The following SPATS2L variants were observed in gnomAD, a reference collection of about 807,000 sequenced individuals.
The protein encoded by SPATS2L is SPATS2-like protein.
A neutral mutation model predicts 59.6 loss-of-function variants in SPATS2L; 30 were observed. That is an observed-to-expected ratio of 0.50 (90% confidence interval 0.38 to 0.68). The LOEUF (loss-of-function observed/expected upper bound fraction) is 0.68, where lower values mean the gene tolerates loss of function less well. Ranked by LOEUF, SPATS2L falls within the 30% of genes least tolerant of loss-of-function variation. SPATS2L has a pLI of 0.00. For synonymous variants in SPATS2L, 252 were observed against 263.5 expected (o/e 0.96, Z 0.42); for missense variants, 615 against 700.0 (o/e 0.88, Z 1.37).
At chr2:200,325,568 G>A (rs1177485022) in intron 1 of SPATS2L, among the ~76,000 whole-genome samples, 1 of 152,008 alleles carries the variant, frequency 6.6e-6, no homozygotes, top group Admixed American at 6.6e-5. Flanking sequence ...TAGTAGAGAT[G>A]GGGTTTCATC....
intron 4 of SPATS2L, among the ~76,000 whole-genome samples, chr2:200,413,516 CAT>C (rs1450874437): frequency 6.6e-6 from 1 of 152,164 alleles, no homozygotes; most frequent in Non-Finnish European, 1.5e-5. Flanking sequence ...CCTCAGTTAT[CAT>C]ATGTCTTCTG....
At chr2:200,328,595 G>T (rs547125877) in intron 1 of SPATS2L, among the ~76,000 whole-genome samples, 1 of 152,278 alleles carries the variant, frequency 6.6e-6, no homozygotes, top group Non-Finnish European at 1.5e-5. Context: ...TCTTTCCAGT[G>T]CCTCCCTCGC....
chr2:200,306,291 G>C (rs3739121), upstream of SPATS2L: 423,821 of 1,001,912 alleles, frequency 0.42, 92,107 homozygotes, highest in East Asian at 0.73. Flanking sequence ...TCATTTTCTC[G>C]GGTAGGAGAA....
chr2:200,377,638 T>C (rs748634946), intron 2 of SPATS2L, among the ~76,000 whole-genome samples: 7 of 152,222 alleles, frequency 4.6e-5, no homozygotes, highest in Non-Finnish European at 1.0e-4. Context: ...CTCTATCACA[T>C]GCTTCTCACC....
chr2:200,351,203 G>T (rs992698101), intron 2 of SPATS2L: 1 of 470,598 alleles, frequency 2.1e-6, no homozygotes, highest in African/African-American at 2.0e-5. Context: ...TTCTGTAGCT[G>T]AGCACTTGCT....
chr2:200,368,981 A>G (rs933261352), intron 2 of SPATS2L, among the ~76,000 whole-genome samples: 1 of 152,086 alleles, frequency 6.6e-6, no homozygotes, highest in African/African-American at 2.4e-5. Context: ...CAAATTACCA[A>G]AGATAATGTA....
chr2:200,387,287 A>G (rs2082021470), intron 2 of SPATS2L, among the ~76,000 whole-genome samples: 1 of 152,200 alleles, frequency 6.6e-6, no homozygotes, highest in South Asian at 2.1e-4. Context: ...AAGTCCAGGG[A>G]TATAGAACTT....
intron 9 of SPATS2L, among the ~76,000 whole-genome samples, chr2:200,463,534 G>GTA (rs1242228831): frequency 2.0e-5 from 3 of 152,146 alleles, no homozygotes; most frequent in African/African-American, 7.2e-5. Flanking sequence ...AGCATTTTGA[G>GTA]TATACTATAC....
chr2:200,434,180 A>G lies in SPATS2L; in HGVS notation c.446-4942A>G, dbSNP rs558981980. ...CAACATAATATTATTAATAAAATAA[A>G]GGAGAACAATAATATGATCATCTCA... is the stretch of plus-strand genomic sequence containing the variant. On this transcript the variant is annotated intron_variant, in intron 6 of 12. Transcript: ENST00000409140. 3.3e-5 allele frequency among the ~76,000 whole-genome samples: 5 copies of G among 152,186 alleles called. No homozygotes were observed. The East Asian group carries it at 7.7e-4, about 23-fold the overall frequency.
Position 200,467,334 on chromosome 2 carries a change from A to G in SPATS2L, c.892A>G (p.Arg298Gly). 6.2e-7 allele frequency: 1 copy of G among 1,614,062 alleles called. No homozygotes were observed. The highest frequency in any genetic ancestry group is 1.3e-5 in the African/African-American group (1 of 75,074). The change falls in exon 10 of 13, where the codon AGA becomes GGA. Residue 298 changes from arginine to glycine, a missense_variant. This residue lies in a region of SPATS2L where 104 missense variants were observed against 162.5 expected (regional missense o/e 0.64). Coordinates refer to ENST00000409140, the MANE Select transcript of SPATS2L (RefSeq NM_001100423.2). ...TCAGAAGAAAGCAGAAGAACTAAAG[A>G]GACTCACTGACCTTGCCAGTCAGAT... ...ARQKKAEELK[R>G]LTDLASQMAE... is the part of the protein sequence containing the mutation.
intron 3 of SPATS2L, among the ~76,000 whole-genome samples, chr2:200,400,303 C>G (rs1202031754): frequency 6.6e-6 from 1 of 152,150 alleles, no homozygotes; most frequent in Non-Finnish European, 1.5e-5. Context: ...GACTCAAGGA[C>G]TCAGTGTACC....
chr2:200,407,260 C>T (rs2082718914), intron 3 of SPATS2L, among the ~76,000 whole-genome samples: 1 of 152,188 alleles, frequency 6.6e-6, no homozygotes, highest in South Asian at 2.1e-4. Flanking sequence ...TTAAGTGGTT[C>T]ACCCAAGGTC....
rs772246719 is a variant in SPATS2L, at chr2:200,412,340, C to G, written c.69C>G (p.Asn23Lys). Residue 23 changes from asparagine (N) to lysine (K), a missense_variant, in exon 4 of 13, where the codon AAC becomes AAG. Asn to Lys is a moderately conservative substitution (Grantham distance 94). This residue lies in a region of SPATS2L where 227 missense variants were observed against 257.4 expected (regional missense o/e 0.88). Transcript: ENST00000409140. ...KIYAVRSVVP[N>K]KSNNEIVLVL... is the part of the protein sequence containing the mutation. Reference sequence around the variant, plus strand: ...ATGCAGTTAGATCAGTTGTTCCCAACAAAAGCAATAATGAAATAGTCCTGG... The same window carrying G: ...ATGCAGTTAGATCAGTTGTTCCCAAGAAAAGCAATAATGAAATAGTCCTGG... 5 of 1,598,376 alleles carry G rather than the reference C, an allele frequency of 3.1e-6. No homozygotes were observed. Among genetic ancestry groups the G allele is most frequent in the African/African-American group, 2.7e-5 (2 of 73,404 alleles).
At chr2:200,393,001 A>T (rs76415412) in intron 3 of SPATS2L, 2 of 335,334 alleles carry the variant, frequency 6.0e-6, no homozygotes, top group South Asian at 4.8e-5. Context: ...GCCATTGAGT[A>T]AAAAATAGCA....
intron 2 of SPATS2L, 132 bp downstream of exon 2, chr2:200,329,612 C>A: frequency 1.4e-6 from 1 of 725,956 alleles, no homozygotes; most frequent in Non-Finnish European, 2.4e-6. Flanking sequence ...CAGGGCTCAA[C>A]ACCAGAGTTC....
chr2:200,369,377 T>TGTTCAGA (rs1348930787), intron 2 of SPATS2L, among the ~76,000 whole-genome samples: 2 of 152,182 alleles, frequency 1.3e-5, no homozygotes, highest in African/African-American at 4.8e-5. Flanking sequence ...CAAGCTGGTC[T>TGTTCAGA]TGAACTCCTG....
chr2:200,380,660 T>A (rs1424870783), intron 2 of SPATS2L, among the ~76,000 whole-genome samples: 1 of 152,256 alleles, frequency 6.6e-6, no homozygotes, highest in African/African-American at 2.4e-5. Flanking sequence ...AACCAAAGGC[T>A]AACCCTGCTT....
chr2:200,389,573 A>T, intron 3 of SPATS2L: 1 of 308,408 alleles, frequency 3.2e-6, no homozygotes. Flanking sequence ...CAGAGAAGTA[A>T]TTTGGCTAAG....
At chr2:200,329,338 A>G (rs2079858790) in intron 1 of SPATS2L, 93 bp from the exon 2 acceptor site, 7 of 1,049,344 alleles carry the variant, frequency 6.7e-6, no homozygotes, top group Non-Finnish European at 8.7e-6. Context: ...TTGACTCCAG[A>G]TCCTGTGCTT....
Sources: gnomAD v4.1 joint callset for allele counts (sites outside exome capture counted in the v4.1 genomes callset) on GRCh38, gnomAD v4.1.1 for gene constraint, gnomAD v4.1.1 regional missense constraint, MANE v1.5 for transcripts, NCBI Gene and HGNC (gene_info 2026-07-23, HGNC 2026-07-21) for gene names.